Variants in PTK7 observed in about 807,000 individuals in gnomAD.
PTK7 encodes the protein protein tyrosine kinase 7 (inactive), also known as inactive tyrosine-protein kinase 7.
Under a neutral mutation model 116.6 loss-of-function variants are expected in PTK7, and 39 were observed. The ratio of observed to expected loss-of-function variants is 0.33; its 90% CI spans 0.26 to 0.44. PTK7 has a LOEUF of 0.44. Among genes scored for constraint, PTK7 ranks in the 20% least tolerant of loss-of-function variants. PTK7 has a pLI of 1.00. For synonymous variants in PTK7, 546 were observed against 563.6 expected (o/e 0.97, Z 0.44); for missense variants, 1,169 against 1,425.6 (o/e 0.82, Z 2.90).
At position 43,078,597 on chromosome 6, in the gene PTK7, G is replaced by T. The variant is rs1485688471; in HGVS notation, c.79+2030G>T. Among the ~76,000 whole-genome samples, 2 of 152,184 alleles carry T rather than the reference G, an allele frequency of 1.3e-5. 1 individual carries two copies. Among genetic ancestry groups the T allele is most frequent in the Admixed American group, 1.3e-4 (2 of 15,278 alleles). On this transcript the variant is annotated intron_variant, in intron 1 of 19. Coordinates refer to ENST00000230419, the MANE Select transcript of PTK7 (RefSeq NM_002821.5). Reference sequence around the variant, plus strand: ...TTGTTTAATTGTGTAATTAACTGGAGTTGTAGTGAGATCCCACTGTTAATA... The same window carrying T: ...TTGTTTAATTGTGTAATTAACTGGATTTGTAGTGAGATCCCACTGTTAATA...
At chr6:43,115,465 C>T (rs1345292621) in intron 1 of PTK7, among the ~76,000 whole-genome samples, 8 of 152,154 alleles carry the variant, frequency 5.3e-5, no homozygotes, top group Non-Finnish European at 5.9e-5. Context: ...CACCTAATAA[C>T]ACTGGGCTGG....
Position 43,145,324 on chromosome 6 carries a change from G to C in PTK7, c.2532G>C (p.Arg844=). The change falls in exon 16 of 20, where the codon CGG becomes CGC. Residue 844 remains arginine (R), a synonymous_variant. Transcript: ENST00000230419. The surrounding 1 kb of genome is among the most constrained non-coding windows in gnomAD (Gnocchi z 4.8). The stretch of plus-strand genomic sequence containing the variant: ...ATGAGCAGCAGCAGCTGGACTTCCG[G>C]AGGGAGTTGGAGATGTTTGGGAAGC... ...SKDEQQQLDF[R]RELEMFGKLN... is the part of the protein sequence containing the mutation. 6.2e-7 allele frequency: 1 copy of C among 1,614,014 alleles called. No individual in the cohort carries two copies. The highest frequency in any genetic ancestry group is 8.5e-7 in the Non-Finnish European group (1 of 1,179,982).
intron 5 of PTK7, 111 bp downstream of exon 5, chr6:43,130,772 C>G: frequency 1.4e-6 from 2 of 1,404,054 alleles, no homozygotes; most frequent in South Asian, 1.3e-5. Context: ...TGTATTATTT[C>G]AAATTTCCAA....
intron 1 of PTK7, among the ~76,000 whole-genome samples, chr6:43,128,477 C>A (rs1769432315): frequency 6.6e-6 from 1 of 152,222 alleles, no homozygotes; most frequent in Non-Finnish European, 1.5e-5. Flanking sequence ...ACAGAGCACT[C>A]AGCACAGTTG....
intron 5 of PTK7, among the ~76,000 whole-genome samples, chr6:43,131,391 A>C (rs1048495535): frequency 3.8e-4 from 58 of 152,202 alleles, no homozygotes; most frequent in African/African-American, 1.2e-3. Context: ...GTATTAGTCC[A>C]TTTTAATGCT....
intron 18 of PTK7, 138 bp downstream of exon 18, chr6:43,159,106 G>A: frequency 8.8e-7 from 1 of 1,135,670 alleles, no homozygotes; most frequent in South Asian, 1.6e-5. Context: ...ATAGGGAAGA[G>A]CTTTCTCATC....
chr6:43,112,453 A>T (rs1768247912), intron 1 of PTK7, among the ~76,000 whole-genome samples: 1 of 149,696 alleles, frequency 6.7e-6, no homozygotes, highest in Non-Finnish European at 1.5e-5. Flanking sequence ...TTGATTTCTT[A>T]CCTCCTCCAT....
chr6:43,117,016 G>A (rs1242901330), intron 1 of PTK7, among the ~76,000 whole-genome samples: 1 of 152,132 alleles, frequency 6.6e-6, no homozygotes, highest in Non-Finnish European at 1.5e-5. Flanking sequence ...TAGGGACGGG[G>A]TTTCACCATG....
chr6:43,144,527 C>T lies in PTK7; in HGVS notation c.2328C>T (p.Pro776=), dbSNP rs767201861. ...EVALTSLGSG[P]AATNKRHSTS... is the part of the protein sequence containing the mutation. ...CCTTGACCAGCTTGGGCTCCGGCCCCGCGGCCACCAACAAACGCCACAGCA... is the reference window on the plus strand; with the variant it reads ...CCTTGACCAGCTTGGGCTCCGGCCCTGCGGCCACCAACAAACGCCACAGCA... Residue 776 remains proline, a synonymous_variant, in exon 15 of 20, where the codon CCC becomes CCT. Transcript: ENST00000230419. 63 of 1,614,088 alleles carry T rather than the reference C, an allele frequency of 3.9e-5. No homozygotes were observed. In the South Asian group the frequency reaches 4.9e-4, roughly 13 times the overall value.
intron 1 of PTK7, among the ~76,000 whole-genome samples, chr6:43,087,109 T>G (rs1766704203): frequency 6.6e-6 from 1 of 152,218 alleles, no homozygotes; most frequent in African/African-American, 2.4e-5. Context: ...CTGTTCTGCC[T>G]CCTATGGTGG....
At position 43,076,444 on chromosome 6, in the gene PTK7, C is replaced by T; in HGVS notation, c.-45C>T. The T allele has an allele frequency of 6.8e-7, 1 of 1,476,478 alleles. No homozygotes were observed. The highest frequency in any genetic ancestry group is 9.0e-7 in the Non-Finnish European group (1 of 1,114,568). The allele number at this position is 1,476,478 out of a possible 1,614,324, so 91.5% of individuals were successfully genotyped here. On this transcript the variant is annotated 5_prime_UTR_variant, in exon 1 of 20. Coordinates refer to ENST00000230419, the MANE Select transcript of PTK7 (RefSeq NM_002821.5). The surrounding 1 kb of genome is among the most constrained non-coding windows in gnomAD (Gnocchi z 5.7). ...TGTGCCCGCCGCGGAGCGCAGTCTGCGCGCCCGCCGTGCGCCCTCAGCTCC... is the reference window on the plus strand; with the variant it reads ...TGTGCCCGCCGCGGAGCGCAGTCTGTGCGCCCGCCGTGCGCCCTCAGCTCC...
chr6:43,077,104 A>C, intron 1 of PTK7: 2 of 1,158,718 alleles, frequency 1.7e-6, no homozygotes, highest in Non-Finnish European at 2.2e-6. Context: ...TTCCTGGGCA[A>C]AGCTGAGACC....
intron 17 of PTK7, among the ~76,000 whole-genome samples, chr6:43,150,195 C>T (rs1177992014): frequency 3.3e-5 from 5 of 152,138 alleles, no homozygotes; most frequent in Non-Finnish European, 7.3e-5. Flanking sequence ...AGTCAGATGC[C>T]GTGGCAGGAA....
In PTK7 at chr6:43,129,695, G is replaced by T; in HGVS notation, c.368-32G>T. 6.3e-7 allele frequency: 1 copy of T among 1,595,858 alleles called. No homozygotes were observed. Among genetic ancestry groups the T allele is most frequent in the Non-Finnish European group, 8.6e-7 (1 of 1,163,724 alleles). On this transcript the variant is annotated intron_variant, in intron 2 of 19. Coordinates refer to ENST00000230419, the MANE Select transcript of PTK7 (RefSeq NM_002821.5). The surrounding 1 kb of genome is among the most constrained non-coding windows in gnomAD (Gnocchi z 4.5). ...TGCCTTCCCGCCTTTGCCCTGCTCT[G>T]CCCCTCACTGCAACCGTGGCCTCTG...
chr6:43,142,478 T>C (rs1176740749), intron 13 of PTK7, 179 bp downstream of exon 13: 1 of 1,018,890 alleles, frequency 9.8e-7, no homozygotes, highest in African/African-American at 1.6e-5. Flanking sequence ...AGCCGGGCTG[T>C]CGTTTATTTA....
chr6:43,087,019 C>T (rs1475833800), intron 1 of PTK7, among the ~76,000 whole-genome samples: 2 of 152,340 alleles, frequency 1.3e-5, no homozygotes, highest in Non-Finnish European at 2.9e-5. Flanking sequence ...AGCTGTGGCT[C>T]TTTGTTTCCC....
At chr6:43,157,188 C>A in intron 17 of PTK7, among the ~76,000 whole-genome samples, 2 of 140,312 alleles carry the variant, frequency 1.4e-5, no homozygotes, top group African/African-American at 5.3e-5. Flanking sequence ...TTTTTTCCCA[C>A]AAAAAAATGT....
intron 1 of PTK7, among the ~76,000 whole-genome samples, chr6:43,110,477 A>G (rs1017313508): frequency 1.3e-5 from 2 of 151,666 alleles, no homozygotes; most frequent in Non-Finnish European, 2.9e-5. Flanking sequence ...CAGTGGCGCA[A>G]TCTTGGCTCA....
Position 43,129,909 on chromosome 6 carries a change from G to A in PTK7, c.470+80G>A, listed in dbSNP as rs1178993303. 1 of 1,339,566 alleles carries A rather than the reference G, an allele frequency of 7.5e-7. No homozygotes were observed. The highest frequency in any genetic ancestry group is 1.1e-6 in the Non-Finnish European group (1 of 945,832). The allele number at this position is 1,339,566 out of a possible 1,614,324, so 83.0% of individuals were successfully genotyped here. ...CCCAAATCTTGGACTCTATGCGGATGTTACCTCGCTCCATTCTGTGACCAC... is the reference window on the plus strand; with the variant it reads ...CCCAAATCTTGGACTCTATGCGGATATTACCTCGCTCCATTCTGTGACCAC... On this transcript the variant is annotated intron_variant, in intron 3 of 19. Transcript: ENST00000230419. The surrounding 1 kb of genome is among the most constrained non-coding windows in gnomAD (Gnocchi z 4.5).
Sources: gnomAD v4.1 joint callset for allele counts (sites outside exome capture counted in the v4.1 genomes callset) on GRCh38, gnomAD v4.1.1 for gene constraint, Gnocchi (gnomAD v3.1) non-coding constraint, MANE v1.5 for transcripts, NCBI Gene and HGNC (gene_info 2026-07-23, HGNC 2026-07-21) for gene names.